The following RNF216 variants were observed in gnomAD, a reference collection of about 807,000 sequenced individuals.
The protein encoded by RNF216 is E3 ubiquitin-protein ligase RNF216.
A neutral mutation model predicts 110.8 loss-of-function variants in RNF216; 72 were observed. That is an observed-to-expected ratio of 0.65 (90% confidence interval 0.54 to 0.79). The LOEUF is 0.79. Among genes scored for constraint, RNF216 ranks in the 30% least tolerant of loss-of-function variants. RNF216 has a pLI of 0.00. For synonymous variants in RNF216, 495 were observed against 407.5 expected (o/e 1.21, Z -2.59); for missense variants, 1,342 against 1,141.2 (o/e 1.18, Z -2.54).
intron 13 of RNF216, among the ~76,000 whole-genome samples, chr7:5,682,403 A>AT (rs947846229): frequency 2.8e-5 from 4 of 145,010 alleles, no homozygotes; most frequent in African/African-American, 7.7e-5. Flanking sequence ...TTTTACTTTC[A>AT]TTTTTTTTCT....
chr7:5,689,568 C>G (rs959393926), intron 13 of RNF216, among the ~76,000 whole-genome samples: 1 of 151,842 alleles, frequency 6.6e-6, no homozygotes, highest in African/African-American at 2.4e-5. Context: ...CTTGGACTTC[C>G]TACAAGTTTT....
intron 13 of RNF216, among the ~76,000 whole-genome samples, chr7:5,674,978 CAG>C (rs763848064): frequency 1.3e-5 from 2 of 151,994 alleles, no homozygotes; most frequent in Non-Finnish European, 2.9e-5. Flanking sequence ...GCCTGGGCGA[CAG>C]AGAGAGACTC....
Position 5,721,070 on chromosome 7 carries a change from T to C in RNF216, c.1607A>G (p.Gln536Arg), listed in dbSNP as rs1417595014. The C allele has an allele frequency of 1.9e-6, 3 of 1,614,224 alleles. No homozygotes were observed. The highest frequency in any genetic ancestry group is 2.5e-6 in the Non-Finnish European group (3 of 1,180,030). ...RALLPAVQQE[Q>R]EFYEQKIKEM... ...TTTGATTTTCTGCTCATAGAACTCC[T>C]GCTCTTGTTGCACAGCTGGAAGGAG... Residue 536 changes from glutamine to arginine, a missense_variant, in exon 9 of 17, where the codon CAG (glutamine) becomes CGG (arginine). Physicochemically the swap from Gln to Arg is conservative, Grantham distance 43. Transcript: ENST00000389902.
At chr7:5,746,046 G>C (rs1360513548) in intron 3 of RNF216, among the ~76,000 whole-genome samples, 1 of 152,200 alleles carries the variant, frequency 6.6e-6, no homozygotes, top group Non-Finnish European at 1.5e-5. Flanking sequence ...AACCCAAAGG[G>C]ACAGAGACTG....
At chr7:5,733,812 T>C (rs910673628) in intron 5 of RNF216, among the ~76,000 whole-genome samples, 3 of 152,188 alleles carry the variant, frequency 2.0e-5, no homozygotes, top group African/African-American at 7.2e-5. Flanking sequence ...TCTAGTTAAC[T>C]ACAAAAAATA....
At position 5,624,229 on chromosome 7, in the gene RNF216, C is replaced by T. The variant is rs1584326252; in HGVS notation, c.2383-104G>A. On this transcript the variant is annotated intron_variant, in intron 15 of 16. Coordinates refer to ENST00000389902, the MANE Select transcript of RNF216 (RefSeq NM_207111.4). This position sits in a 1 kb window ranked among gnomAD's most constrained non-coding sequence, Gnocchi z 4.4. ...TTGTTGCTTATGGCCATGGAACAAG[C>T]CCGAAGCCTGCTGCTGGCCAGTGGG... The T allele has an allele frequency of 9.8e-6, 9 of 916,972 alleles. No homozygotes were observed. The East Asian group carries it at 2.3e-4, about 23-fold the overall frequency. The allele number at this position is 916,972 out of a possible 1,614,324, so 56.8% of individuals were successfully genotyped here.
intron 2 of RNF216, among the ~76,000 whole-genome samples, chr7:5,755,928 C>T (rs1005296683): frequency 3.3e-5 from 5 of 152,052 alleles, no homozygotes; most frequent in African/African-American, 4.8e-5. Flanking sequence ...CGTTGCTTCA[C>T]GTCCTTATGG....
intron 13 of RNF216, among the ~76,000 whole-genome samples, chr7:5,693,319 A>G (rs1437249719): frequency 6.6e-6 from 1 of 152,164 alleles, no homozygotes; most frequent in Non-Finnish European, 1.5e-5. Context: ...CCTTTTACAG[A>G]AAAAGTCTGC....
chr7:5,766,493 GAGA>G (rs998630222), intron 1 of RNF216, among the ~76,000 whole-genome samples: 15 of 151,796 alleles, frequency 9.9e-5, no homozygotes, highest in South Asian at 6.2e-4. Context: ...TGGGCACTCT[GAGA>G]AGAAGAGATC....
At chr7:5,763,973 G>C (rs1320698960) in intron 1 of RNF216, among the ~76,000 whole-genome samples, 1 of 152,074 alleles carries the variant, frequency 6.6e-6, no homozygotes, top group Non-Finnish European at 1.5e-5. Context: ...CGGATCACTC[G>C]AGGTCAGGAG....
chr7:5,688,839 C>T lies in RNF216; in HGVS notation c.2061+22922G>A, dbSNP rs73339962. Among the ~76,000 whole-genome samples, 868 of 152,002 alleles carry T rather than the reference C, an allele frequency of 5.7e-3. 9 individuals are homozygous for T. Among genetic ancestry groups the T allele is most frequent in the African/African-American group, 0.02 (819 of 41,356 alleles). On this transcript the variant is annotated intron_variant, in intron 13 of 16. Transcript: ENST00000389902. ...AAGAGTTGCTCTTAATAATATGATA[C>T]GAATTCCCAAATGATGATAACAGCT...
At chr7:5,753,335 CTATT>C (rs548086181) in intron 2 of RNF216, among the ~76,000 whole-genome samples, 5 of 152,252 alleles carry the variant, frequency 3.3e-5, no homozygotes, top group African/African-American at 1.2e-4. Context: ...GAATAAATGT[CTATT>C]TTATTTAAAT....
chr7:5,646,490 G>A (rs1038455668), intron 14 of RNF216, among the ~76,000 whole-genome samples: 2 of 151,974 alleles, frequency 1.3e-5, no homozygotes, highest in African/African-American at 2.4e-5. Context: ...TCCGGAGATC[G>A]AGACTATCCT....
chr7:5,747,238 A>G (rs1378625315), intron 3 of RNF216, among the ~76,000 whole-genome samples: 1 of 152,244 alleles, frequency 6.6e-6, no homozygotes, highest in African/African-American at 2.4e-5. Flanking sequence ...AAAATGTCCT[A>G]AACCTGGGGA....
intron 2 of RNF216, among the ~76,000 whole-genome samples, chr7:5,756,641 G>A (rs756224176): frequency 5.3e-5 from 8 of 151,944 alleles, no homozygotes; most frequent in Admixed American, 6.6e-5. Context: ...TTGTTTTTGC[G>A]ACAGGGTCGC....
chr7:5,671,426 A>G (rs1789901049), intron 13 of RNF216, among the ~76,000 whole-genome samples: 2 of 152,212 alleles, frequency 1.3e-5, no homozygotes, highest in Admixed American at 1.3e-4. Flanking sequence ...CAATGACTGT[A>G]TTTGGAGACA....
At chr7:5,727,816 G>A (rs200881302) in intron 7 of RNF216, among the ~76,000 whole-genome samples, 6 of 151,542 alleles carry the variant, frequency 4.0e-5, no homozygotes, top group East Asian at 1.9e-4. Context: ...TGCCTCCTCC[G>A]CTTGGTCTTT....
At chr7:5,648,765 G>A (rs1788206079) in intron 14 of RNF216, among the ~76,000 whole-genome samples, 3 of 151,548 alleles carry the variant, frequency 2.0e-5, no homozygotes, top group Admixed American at 2.0e-4. Flanking sequence ...GAAAACGCAG[G>A]GGACAGAAGA....
chr7:5,725,583 G>C (rs1793701392), intron 7 of RNF216, 145 bp from the exon 8 acceptor site: 1 of 618,610 alleles, frequency 1.6e-6, no homozygotes, highest in Non-Finnish European at 2.9e-6. Flanking sequence ...GGGTGCGGTG[G>C]CTGACGCCTG....
Sources: allele counts gnomAD v4.1 joint callset (sites outside exome capture counted in the v4.1 genomes callset), GRCh38; gene constraint gnomAD v4.1.1; non-coding constraint Gnocchi (gnomAD v3.1); transcripts MANE v1.5; gene names NCBI Gene and HGNC (gene_info 2026-07-23, HGNC 2026-07-21).